Variants in ANO10 observed in about 807,000 individuals in gnomAD.
The protein encoded by ANO10 is anoctamin 10.
A neutral mutation model predicts 74.7 loss-of-function variants in ANO10; 77 were observed. The observed-to-expected ratio is 1.03, with a 90% CI of 0.86 to 1.25. ANO10 has a LOEUF of 1.25. Ranked by LOEUF, ANO10 falls within the 50% of genes most tolerant of loss-of-function variation. The pLI, the probability that ANO10 is intolerant of heterozygous loss-of-function variation, is 0.00. For synonymous variants in ANO10, 279 were observed against 284.9 expected (o/e 0.98, Z 0.21); for missense variants, 721 against 778.1 (o/e 0.93, Z 0.87).
At position 43,457,037 on chromosome 3, in the gene ANO10, T is replaced by C. The variant is rs145648449; in HGVS notation, c.1798-24310A>G. Among the ~76,000 whole-genome samples the C allele has an allele frequency of 3.0e-3, 463 of 152,318 alleles. 2 individuals carry two copies. The highest frequency in any genetic ancestry group is 0.011 in the African/African-American group (447 of 41,572). ...ATCATTTCAATTTATGAATGGTATA[T>C]AACAGAAACCAGAATAAAAATTGCC... On this transcript the variant is annotated intron_variant, in intron 11 of 12. Coordinates refer to ENST00000292246, the MANE Select transcript of ANO10 (RefSeq NM_018075.5).
chr3:43,530,323 A>G (rs1309514772), intron 11 of ANO10, among the ~76,000 whole-genome samples: 1 of 151,702 alleles, frequency 6.6e-6, no homozygotes, highest in African/African-American at 2.4e-5. Flanking sequence ...CTTAAACCAA[A>G]ACAAGTGAAC....
At chr3:43,531,287 C>T (rs938462266) in intron 11 of ANO10, among the ~76,000 whole-genome samples, 9 of 152,156 alleles carry the variant, frequency 5.9e-5, no homozygotes, top group African/African-American at 9.6e-5. Flanking sequence ...TTAAATTACA[C>T]GTTCTGGCTT....
At chr3:43,592,939 T>C (rs866677402) in intron 4 of ANO10, among the ~76,000 whole-genome samples, 1 of 152,178 alleles carries the variant, frequency 6.6e-6, no homozygotes, top group East Asian at 1.9e-4. Context: ...CTGAAAACCA[T>C]GGCACAAGAA....
chr3:43,656,660 G>C (rs533258845), intron 1 of ANO10, among the ~76,000 whole-genome samples: 120 of 152,346 alleles, frequency 7.9e-4, no homozygotes, highest in Non-Finnish European at 1.3e-3. Flanking sequence ...CTCCGCAGCC[G>C]CTGGCCCGGA....
At chr3:43,558,551 C>A (rs1169061703) in intron 9 of ANO10, among the ~76,000 whole-genome samples, 12 of 152,130 alleles carry the variant, frequency 7.9e-5, no homozygotes. Context: ...AAGTTTTCTA[C>A]AGGGAGTGAG....
chr3:43,434,776 C>A lies in ANO10; in HGVS notation c.1798-2049G>T, dbSNP rs531551165. The stretch of plus-strand genomic sequence containing the variant: ...AGAACAAGTAGGTAACAGAACAAGG[C>A]TGCCCAGATTTTGCTGCTGTGGTTT... On this transcript the variant is annotated intron_variant, in intron 11 of 12. Coordinates refer to ENST00000292246, the MANE Select transcript of ANO10 (RefSeq NM_018075.5). 1.1e-4 allele frequency among the ~76,000 whole-genome samples: 17 copies of A among 152,292 alleles called. No individual in the cohort carries two copies. The South Asian group carries it at 3.5e-3, about 32-fold the overall frequency.
At chr3:43,453,946 C>G (rs1437459542) in intron 11 of ANO10, among the ~76,000 whole-genome samples, 2 of 152,228 alleles carry the variant, frequency 1.3e-5, no homozygotes, top group Admixed American at 6.5e-5. Flanking sequence ...AACTAAAGCA[C>G]AGCTGGAGCT....
At chr3:43,579,303 G>T (rs1487863114) in intron 5 of ANO10, among the ~76,000 whole-genome samples, 1 of 152,164 alleles carries the variant, frequency 6.6e-6, no homozygotes, top group Non-Finnish European at 1.5e-5. Context: ...CTCAAAAGAT[G>T]TTTGGCCTGC....
chr3:43,478,160 A>T (rs2076145254), intron 11 of ANO10, among the ~76,000 whole-genome samples: 1 of 152,230 alleles, frequency 6.6e-6, no homozygotes, highest in Non-Finnish European at 1.5e-5. Flanking sequence ...CCAAGGTCAC[A>T]GAGTTAGTGA....
intron 1 of ANO10, among the ~76,000 whole-genome samples, chr3:43,609,368 C>A (rs537710693): frequency 1.3e-5 from 2 of 152,152 alleles, no homozygotes; most frequent in East Asian, 3.9e-4. Flanking sequence ...AATCTTCTGA[C>A]CTAAAGCAAA....
intron 12 of ANO10, among the ~76,000 whole-genome samples, chr3:43,368,299 G>A (rs1371597661): frequency 6.6e-6 from 1 of 152,188 alleles, no homozygotes; most frequent in Non-Finnish European, 1.5e-5. Flanking sequence ...GGGGGTAAGA[G>A]GGTTCTTTCT....
intron 11 of ANO10, among the ~76,000 whole-genome samples, chr3:43,508,281 C>G (rs1328653320): frequency 6.6e-6 from 1 of 152,108 alleles, no homozygotes; most frequent in African/African-American, 2.4e-5. Context: ...ACATATCCAA[C>G]AAAGGAGTAC....
Position 43,563,317 on chromosome 3 carries a change from C to G in ANO10, c.1294-1915G>C, listed in dbSNP as rs540192391. Among the ~76,000 whole-genome samples, 5 of 152,010 alleles carry G rather than the reference C, an allele frequency of 3.3e-5. No homozygotes were observed. The South Asian group carries it at 8.3e-4, about 25-fold the overall frequency. On this transcript the variant is annotated intron_variant, in intron 8 of 12. Transcript: ENST00000292246. ...CTATTATTAAAAAGACCCAAAAAAT[C>G]CAGATGCTGACAAGAACGTGCAACA...
intron 1 of ANO10, among the ~76,000 whole-genome samples, chr3:43,666,517 A>G (rs1347667008): frequency 6.6e-6 from 1 of 152,212 alleles, no homozygotes; most frequent in Non-Finnish European, 1.5e-5. Context: ...TTTTCAAGAA[A>G]TAAAGATGAT....
chr3:43,400,163 A>T (rs1227884265), intron 12 of ANO10, among the ~76,000 whole-genome samples: 1 of 152,022 alleles, frequency 6.6e-6, no homozygotes, highest in Non-Finnish European at 1.5e-5. Context: ...TTTTTAATAG[A>T]TGTATGCTTT....
chr3:43,379,945 C>A (rs1288540276), intron 12 of ANO10, among the ~76,000 whole-genome samples: 1 of 151,984 alleles, frequency 6.6e-6, no homozygotes, highest in Non-Finnish European at 1.5e-5. Context: ...CAAAATGATG[C>A]AGGATATGAA....
rs149048433 is a variant in ANO10, at chr3:43,485,232, C to T, written c.1798-52505G>A. The T allele has an allele frequency of 8.3e-3, 5,416 of 655,548 alleles. 213 individuals are homozygous for T. The highest frequency in any genetic ancestry group is 0.076 in the Admixed American group (3,330 of 43,922). The allele number at this position is 655,548 out of a possible 1,614,324, so 40.6% of individuals were successfully genotyped here. A position where few individuals can be genotyped will look rare whatever the true frequency, so the allele number is the denominator to read the frequency against. ...CCGGTACATGTTGTAGGTGCAGCTC[C>T]GGGAGTCATAGTGAGAGGCAGGACT... On this transcript the variant is annotated intron_variant, in intron 11 of 12. Transcript: ENST00000292246.
chr3:43,396,064 ATTTAT>A (rs1178172746), intron 12 of ANO10, among the ~76,000 whole-genome samples: 2 of 150,190 alleles, frequency 1.3e-5, no homozygotes, highest in Middle Eastern at 3.4e-3. Context: ...CCTTTTATTA[ATTTAT>A]TTATTTATTT....
intron 1 of ANO10, among the ~76,000 whole-genome samples, chr3:43,670,324 TTAAATAAA>T (rs61670690): frequency 6.7e-4 from 98 of 145,992 alleles, no homozygotes; most frequent in African/African-American, 4.8e-4. Flanking sequence ...AGACCCTTTC[TTAAATAAA>T]TAAATAAATA....
Sources: gnomAD v4.1 joint callset for allele counts (sites outside exome capture counted in the v4.1 genomes callset) on GRCh38, gnomAD v4.1.1 for gene constraint, MANE v1.5 for transcripts, NCBI Gene and HGNC (gene_info 2026-07-23, HGNC 2026-07-21) for gene names.